The following KDM2A variants were observed in gnomAD, a reference collection of about 807,000 sequenced individuals.
KDM2A encodes the protein lysine demethylase 2A.
A neutral mutation model predicts 137.3 loss-of-function variants in KDM2A; 3 were observed. The observed-to-expected ratio is 0.02, with a 90% confidence interval of 0.01 to 0.06. KDM2A has a LOEUF of 0.06. Among genes scored for constraint, KDM2A ranks in the 10% least tolerant of loss-of-function variants. The pLI is 1.00. For synonymous variants in KDM2A, 512 were observed against 541.5 expected, an observed-to-expected ratio of 0.95 and a Z score of 0.76; for missense variants, 738 against 1,510.6, an observed-to-expected ratio of 0.49 and a Z score of 8.48.
At chr11:67,195,378 A>AAAAC (rs745821346) in intron 5 of KDM2A, among the ~76,000 whole-genome samples, 3 of 139,952 alleles carry the variant, frequency 2.1e-5, no homozygotes, top group African/African-American at 7.4e-5. Flanking sequence ...CCAAAAAAAA[A>AAAAC]AAAAAAAAAA....
At chr11:67,226,794 T>G (rs566870745) in intron 10 of KDM2A, among the ~76,000 whole-genome samples, 7 of 152,182 alleles carry the variant, frequency 4.6e-5, no homozygotes, top group Non-Finnish European at 1.0e-4. Context: ...AAATGAGCAC[T>G]GGCCGCGAGC....
chr11:67,218,662 T>C (rs1262602070), intron 9 of KDM2A, among the ~76,000 whole-genome samples: 1 of 152,174 alleles, frequency 6.6e-6, no homozygotes, highest in Admixed American at 6.6e-5. Flanking sequence ...TGGAGTGCAG[T>C]AGCGTGATCT....
intron 2 of KDM2A, among the ~76,000 whole-genome samples, chr11:67,138,017 C>G (rs1368171148): frequency 6.6e-6 from 1 of 152,108 alleles, no homozygotes; most frequent in Non-Finnish European, 1.5e-5. Context: ...AGGATAATCT[C>G]TATCTCCTGA....
At chr11:67,140,937 T>TA (rs918487197) in intron 2 of KDM2A, among the ~76,000 whole-genome samples, 1 of 152,140 alleles carries the variant, frequency 6.6e-6, no homozygotes, top group African/African-American at 2.4e-5. Flanking sequence ...AGAACTAGTT[T>TA]AAAAAACGCT....
chr11:67,128,740 T>G (rs1307070222), intron 2 of KDM2A, among the ~76,000 whole-genome samples: 2 of 152,252 alleles, frequency 1.3e-5, no homozygotes, highest in African/African-American at 2.4e-5. Flanking sequence ...GTGTATAGCT[T>G]TCCACTAGAG....
intron 2 of KDM2A, chr11:67,143,275 G>C (rs1224476676): frequency 6.6e-6 from 1 of 151,978 alleles, no homozygotes; most frequent in African/African-American, 2.4e-5. Context: ...CCAAGGTGTT[G>C]GGATTACAGC....
intron 5 of KDM2A, among the ~76,000 whole-genome samples, chr11:67,201,203 A>T (rs191358180): frequency 0.11 from 9,711 of 89,446 alleles, 416 homozygotes; most frequent in African/African-American, 0.18. Flanking sequence ...CAAAAAAAAA[A>T]ATATATATAT....
chr11:67,133,437 CTG>C (rs1431682285), intron 2 of KDM2A, among the ~76,000 whole-genome samples: 7 of 150,762 alleles, frequency 4.6e-5, no homozygotes, highest in Non-Finnish European at 3.0e-5. Flanking sequence ...GAATCTCACT[CTG>C]TTGCCCAGGC....
intron 11 of KDM2A, among the ~76,000 whole-genome samples, chr11:67,230,868 T>G (rs1325318182): frequency 6.6e-6 from 1 of 152,208 alleles, no homozygotes; most frequent in African/African-American, 2.4e-5. Context: ...AGTCACTTTG[T>G]TTTGTTACTT....
intron 2 of KDM2A, among the ~76,000 whole-genome samples, chr11:67,122,728 T>C (rs1266909720): frequency 6.6e-6 from 1 of 151,656 alleles, no homozygotes; most frequent in Non-Finnish European, 1.5e-5. Context: ...CAGGCTGGAG[T>C]GCAGTGGCGC....
intron 13 of KDM2A, 191 bp from the exon 14 acceptor site, chr11:67,244,998 A>G: frequency 1.7e-6 from 1 of 600,260 alleles, no homozygotes; most frequent in Non-Finnish European, 2.8e-6. Context: ...AAAAAAAAAA[A>G]AAAAGCAGCC....
intron 5 of KDM2A, among the ~76,000 whole-genome samples, chr11:67,182,880 G>C (rs1857121863): frequency 6.6e-6 from 1 of 152,160 alleles, no homozygotes. Flanking sequence ...AAAACAAAGG[G>C]ACTTTTTAAA....
At chr11:67,170,195 G>A (rs940469730) in intron 2 of KDM2A, among the ~76,000 whole-genome samples, 13 of 152,084 alleles carry the variant, frequency 8.5e-5, no homozygotes, top group Admixed American at 3.9e-4. Context: ...AGAAATAGCA[G>A]TGTTTTCATT....
intron 10 of KDM2A, among the ~76,000 whole-genome samples, chr11:67,226,744 A>G (rs1462152871): frequency 6.6e-6 from 1 of 152,178 alleles, no homozygotes; most frequent in African/African-American, 2.4e-5. Flanking sequence ...AAAATCAATC[A>G]GATTTCCTTC....
intron 13 of KDM2A, among the ~76,000 whole-genome samples, chr11:67,244,118 AGTG>A (rs1160319022): frequency 6.6e-6 from 1 of 152,182 alleles, no homozygotes; most frequent in African/African-American, 2.4e-5. Context: ...CCTCGTCCCT[AGTG>A]GGAGGAGTCC....
chr11:67,161,394 A>AGCTAT (rs1856634861), intron 2 of KDM2A, among the ~76,000 whole-genome samples: 1 of 152,178 alleles, frequency 6.6e-6, no homozygotes, highest in African/African-American at 2.4e-5. Flanking sequence ...TACAGATCAT[A>AGCTAT]GGTTATGTGC....
At chr11:67,201,642 C>T (rs185008834) in intron 5 of KDM2A, among the ~76,000 whole-genome samples, 5 of 151,814 alleles carry the variant, frequency 3.3e-5, no homozygotes, top group Admixed American at 1.3e-4. Flanking sequence ...GTGGCATGGG[C>T]CTGTAGTCCC....
At chr11:67,135,169 A>C (rs1855945680) in intron 2 of KDM2A, among the ~76,000 whole-genome samples, 1 of 151,862 alleles carries the variant, frequency 6.6e-6, no homozygotes, top group Non-Finnish European at 1.5e-5. Flanking sequence ...TCTGGGTTCA[A>C]GCGATTCTCC....
chr11:67,175,683 G>T (rs1338519376), intron 2 of KDM2A, among the ~76,000 whole-genome samples: 1 of 152,114 alleles, frequency 6.6e-6, no homozygotes, highest in Non-Finnish European at 1.5e-5. Flanking sequence ...GAAATGTTGG[G>T]ATAATCAAGA....
Sources: gnomAD v4.1 joint callset for allele counts (sites outside exome capture counted in the v4.1 genomes callset) on GRCh38, gnomAD v4.1.1 for gene constraint, MANE v1.5 for transcripts, NCBI Gene and HGNC (gene_info 2026-07-23, HGNC 2026-07-21) for gene names.